Variants in PCDHGA2 observed in about 807,000 individuals in gnomAD.
PCDHGA2 encodes the protein protocadherin gamma-A2.
A neutral mutation model predicts 59.2 loss-of-function variants in PCDHGA2; 40 were observed. The ratio of observed to expected loss-of-function variants is 0.68; its 90% CI spans 0.52 to 0.88. The LOEUF is 0.88. Ranked by LOEUF, PCDHGA2 falls within the 40% of genes least tolerant of loss-of-function variation. The pLI is 0.00. For missense variants in PCDHGA2, 1,226 were observed against 1,204.0 expected, an observed-to-expected ratio of 1.02 and a Z score of -0.27; for synonymous variants, 560 against 526.0, an observed-to-expected ratio of 1.06 and a Z score of -0.89.
At chr5:141,350,831 T>G in intron 1 of PCDHGA2, 1 of 1,614,060 alleles carries the variant, frequency 6.2e-7, no homozygotes, top group Non-Finnish European at 8.5e-7. Context: ...ATATCCGGTA[T>G]TACTGCTGGA....
chr5:141,389,374 G>C (rs192606668), intron 1 of PCDHGA2: 6 of 1,613,666 alleles, frequency 3.7e-6, no homozygotes, highest in Admixed American at 1.7e-5. Flanking sequence ...CTGGAGCAGC[G>C]GGAGCTGTCA....
intron 1 of PCDHGA2, chr5:141,408,754 T>G: frequency 6.2e-7 from 1 of 1,610,602 alleles, no homozygotes; most frequent in Non-Finnish European, 8.5e-7. Flanking sequence ...TGGTTAGAGT[T>G]AATTCCGATG....
chr5:141,357,346 C>G lies in PCDHGA2; in HGVS notation c.2424+15951C>G, dbSNP rs1200320235. On this transcript the variant is annotated intron_variant, in intron 1 of 3. Coordinates refer to ENST00000394576, the MANE Select transcript of PCDHGA2 (RefSeq NM_018915.4). ...TGTCACGGTGCTGCTAGCACTCAAGCTGAGACGCTGGCACAAGTCACGCCT... is the reference window on the plus strand; with the variant it reads ...TGTCACGGTGCTGCTAGCACTCAAGGTGAGACGCTGGCACAAGTCACGCCT... The G allele has an allele frequency of 1.9e-6, 3 of 1,614,002 alleles. No individual in the cohort carries two copies. Among genetic ancestry groups the G allele is most frequent in the Non-Finnish European group, 2.5e-6 (3 of 1,179,964 alleles).
chr5:141,378,847 A>G (rs1235220529), intron 1 of PCDHGA2: 2 of 152,214 alleles, frequency 1.3e-5, no homozygotes, highest in Non-Finnish European at 2.9e-5. Flanking sequence ...AGAGTTTTTG[A>G]CTGTCAATGA....
Position 141,489,381 on chromosome 5 carries a change from T to C in PCDHGA2, c.2425-5426T>C. 3 of 1,613,894 alleles carry C rather than the reference T, an allele frequency of 1.9e-6. No individual in the cohort carries two copies. The highest frequency in any genetic ancestry group is 2.5e-6 in the Non-Finnish European group (3 of 1,179,802). On this transcript the variant is annotated intron_variant, in intron 1 of 3. Coordinates refer to ENST00000394576, the MANE Select transcript of PCDHGA2 (RefSeq NM_018915.4). The surrounding 1 kb of genome is among the most constrained non-coding windows in gnomAD (Gnocchi z 4.5). ...CTGAGCCGGGGACGCTGGTGGGGAA[T>C]GTTGCTCAGGATCTGGGCTTAAAGA...
chr5:141,390,781 G>C (rs527538379), intron 1 of PCDHGA2: 97 of 165,826 alleles, frequency 5.8e-4, no homozygotes, highest in Non-Finnish European at 1.1e-3. Flanking sequence ...CTTCCCTTTT[G>C]TTTCAAAAGC....
intron 1 of PCDHGA2, among the ~76,000 whole-genome samples, chr5:141,447,378 T>C (rs2098536967): frequency 6.6e-6 from 1 of 152,148 alleles, no homozygotes; most frequent in Non-Finnish European, 1.5e-5. Context: ...ACCCTGGTGA[T>C]CTGCCCACCT....
At chr5:141,406,021 G>A (rs530576205) in intron 1 of PCDHGA2, among the ~76,000 whole-genome samples, 1 of 151,382 alleles carries the variant, frequency 6.6e-6, no homozygotes, top group East Asian at 1.9e-4. Context: ...GGCTTTTTGG[G>A]TAGGGTTGCT....
At position 141,344,221 on chromosome 5, in the gene PCDHGA2, G is replaced by C. The variant is rs764591412; in HGVS notation, c.2424+2826G>C. On this transcript the variant is annotated intron_variant, in intron 1 of 3. Coordinates refer to ENST00000394576, the MANE Select transcript of PCDHGA2 (RefSeq NM_018915.4). ...GAGCCCCGGGAGCTGGCGGAGCGCG[G>C]AGTCCGCATCGTCTCCAGAGGTAGG... The C allele has an allele frequency of 6.2e-6, 10 of 1,614,072 alleles. No individual in the cohort carries two copies. The highest frequency in any genetic ancestry group is 1.7e-4 in the Middle Eastern group (1 of 6,052).
In PCDHGA2 at chr5:141,476,476, C is replaced by T; in HGVS notation, c.2425-18331C>T. 6.2e-7 allele frequency: 1 copy of T among 1,613,986 alleles called. No homozygotes were observed. The highest frequency in any genetic ancestry group is 8.5e-7 in the Non-Finnish European group (1 of 1,179,992). On this transcript the variant is annotated intron_variant, in intron 1 of 3. Transcript: ENST00000394576. The surrounding 1 kb of genome is among the most constrained non-coding windows in gnomAD (Gnocchi z 7.6). Reference sequence around the variant, plus strand: ...TGGAGAACCCGCTGGAGCTGTTCAGCGTGGAAGTGGTGATCCAGGACATCA... The same window carrying T: ...TGGAGAACCCGCTGGAGCTGTTCAGTGTGGAAGTGGTGATCCAGGACATCA...
intron 1 of PCDHGA2, chr5:141,389,710 C>T: frequency 6.2e-7 from 1 of 1,612,586 alleles, no homozygotes; most frequent in Non-Finnish European, 8.5e-7. Flanking sequence ...GTGCTGCAGG[C>T]TAGCGAGCCC....
intron 1 of PCDHGA2, chr5:141,350,165 A>G (rs759865508): frequency 6.9e-6 from 8 of 1,157,934 alleles, no homozygotes; most frequent in Non-Finnish European, 9.2e-6. Flanking sequence ...GCGCCTAACT[A>G]ATAAGTCCTA....
intron 1 of PCDHGA2, chr5:141,345,843 C>T: frequency 1.2e-6 from 2 of 1,613,502 alleles, no homozygotes; most frequent in Non-Finnish European, 1.7e-6. Context: ...GAACGCCTGG[C>T]TGTCCTACCG....
At chr5:141,494,776 C>T in intron 1 of PCDHGA2, 31 bp from the exon 2 acceptor site, 1 of 1,614,100 alleles carries the variant, frequency 6.2e-7, no homozygotes, top group East Asian at 2.2e-5. Context: ...CTCACGGGTA[C>T]TCAGCCCCTT....
chr5:141,430,944 G>C (rs1417018095), intron 1 of PCDHGA2: 1 of 1,609,214 alleles, frequency 6.2e-7, no homozygotes, highest in Non-Finnish European at 8.5e-7. Flanking sequence ...CTCGCGGAGC[G>C]CGGAGTCCGC....
At chr5:141,429,875 A>G (rs959789833) in intron 1 of PCDHGA2, among the ~76,000 whole-genome samples, 3 of 152,322 alleles carry the variant, frequency 2.0e-5, no homozygotes, top group Middle Eastern at 6.8e-3. Context: ...ATTTTCTTTT[A>G]CTAAGTTTCC....
intron 1 of PCDHGA2, chr5:141,345,830 C>G (rs1367186879): frequency 6.2e-7 from 1 of 1,613,454 alleles, no homozygotes; most frequent in African/African-American, 1.3e-5. Flanking sequence ...GAGACTCGGG[C>G]CAGAACGCCT....
chr5:141,346,360 C>T (rs370532251), intron 1 of PCDHGA2: 14 of 1,614,110 alleles, frequency 8.7e-6, no homozygotes, highest in Non-Finnish European at 1.1e-5. Flanking sequence ...CCCAACTATG[C>T]GGACACGCTC....
chr5:141,499,150 T>C (rs1424635509), intron 2 of PCDHGA2, among the ~76,000 whole-genome samples: 5 of 152,180 alleles, frequency 3.3e-5, no homozygotes, highest in Non-Finnish European at 1.5e-5. Context: ...CTGATCCCAA[T>C]AGCTGTTGTC....
Sources: gnomAD v4.1 joint callset for allele counts (sites outside exome capture counted in the v4.1 genomes callset) on GRCh38, gnomAD v4.1.1 for gene constraint, Gnocchi (gnomAD v3.1) non-coding constraint, MANE v1.5 for transcripts, NCBI Gene and HGNC (gene_info 2026-07-23, HGNC 2026-07-21) for gene names.